Variants in RBM47 observed in about 807,000 individuals in gnomAD.
RBM47 encodes the protein RNA binding motif protein 47, also known as RNA-binding protein 47.
A neutral mutation model predicts 47.1 loss-of-function variants in RBM47; 21 were observed. The observed-to-expected ratio is 0.45, with a 90% confidence interval of 0.32 to 0.64. The LOEUF is 0.64. Among genes scored for constraint, RBM47 ranks in the 30% least tolerant of loss-of-function variants. The pLI is 0.05. For missense variants in RBM47, 708 were observed against 870.9 expected, an observed-to-expected ratio of 0.81 and a Z score of 2.35; for synonymous variants, 375 against 361.7, an observed-to-expected ratio of 1.04 and a Z score of -0.42.
intron 6 of RBM47, among the ~76,000 whole-genome samples, chr4:40,427,865 T>C (rs1332128630): frequency 1.3e-5 from 2 of 151,610 alleles, no homozygotes; most frequent in African/African-American, 4.8e-5. Flanking sequence ...ATAATAATTT[T>C]AATTTATAAT....
chr4:40,627,616 C>T (rs554279893), intron 1 of RBM47, among the ~76,000 whole-genome samples: 14 of 152,318 alleles, frequency 9.2e-5, no homozygotes, highest in African/African-American at 3.4e-4. Flanking sequence ...ATAATTTCAT[C>T]TTAACCCAAT....
chr4:40,438,885 T>C lies in RBM47; in HGVS notation c.9A>G (p.Ala3=), dbSNP rs770964766. The change falls in exon 4 of 7, where the codon GCA becomes GCG. Residue 3 remains alanine, a synonymous_variant. Coordinates refer to ENST00000295971, the MANE Select transcript of RBM47 (RefSeq NM_001098634.2). MT[A]EDSTAAMSSD... ...TGCTCATGGCTGCGGTGGAATCCTC[T>C]GCGGTCATAATGTCAAAGGCATCCA... 2.5e-5 allele frequency: 39 copies of C among 1,550,846 alleles called. No individual in the cohort carries two copies. In the Middle Eastern group the frequency reaches 8.0e-4, roughly 32 times the overall value.
intron 3 of RBM47, among the ~76,000 whole-genome samples, chr4:40,441,468 A>T (rs1577638592): frequency 6.6e-6 from 1 of 152,068 alleles, no homozygotes; most frequent in Non-Finnish European, 1.5e-5. Context: ...CTTCTTCCAA[A>T]TGGAAGATAA....
chr4:40,629,985 G>A (rs1301094624), upstream of RBM47: 1 of 152,102 alleles, frequency 6.6e-6, no homozygotes, highest in Admixed American at 6.5e-5. Context: ...CACCAAACCA[G>A]ATTTTTACTC....
intron 1 of RBM47, among the ~76,000 whole-genome samples, chr4:40,581,446 A>AAAT (rs1030774495): frequency 3.4e-5 from 5 of 148,558 alleles, no homozygotes; most frequent in Admixed American, 1.3e-4. Flanking sequence ...ATAAATAAAT[A>AAAT]AATAAATAAA....
chr4:40,561,227 C>CTTTTT (rs1176318537), intron 1 of RBM47, among the ~76,000 whole-genome samples: 17 of 113,612 alleles, frequency 1.5e-4, no homozygotes, highest in African/African-American at 3.7e-4. Flanking sequence ...TTTCCATTGT[C>CTTTTT]TTTTTTTTTT....
In RBM47 at chr4:40,587,295, A is replaced by T. The variant is rs77974198; in HGVS notation, c.-240+42101T>A. Among the ~76,000 whole-genome samples the T allele has an allele frequency of 1.8e-3, 268 of 152,062 alleles. 2 individuals carry two copies. Among genetic ancestry groups the T allele is most frequent in the African/African-American group, 6.1e-3 (255 of 41,474 alleles). ...GAAATCCTCACTGCTGACTCAGGAG[A>T]GCATATTAAGGGGCCACAGGTAGTG... On this transcript the variant is annotated intron_variant, in intron 1 of 6. Coordinates refer to ENST00000295971, the MANE Select transcript of RBM47 (RefSeq NM_001098634.2).
At chr4:40,594,950 T>C (rs1203100855) in intron 1 of RBM47, among the ~76,000 whole-genome samples, 1 of 152,222 alleles carries the variant, frequency 6.6e-6, no homozygotes, top group African/African-American at 2.4e-5. Context: ...TTGTATTCTA[T>C]CTTTTTTGGC....
intron 1 of RBM47, among the ~76,000 whole-genome samples, chr4:40,617,451 C>T (rs755605876): frequency 6.6e-6 from 1 of 151,718 alleles, no homozygotes; most frequent in African/African-American, 2.4e-5. Flanking sequence ...CTCAGCTACT[C>T]GGGAGGCTGA....
At position 40,573,746 on chromosome 4, in the gene RBM47, CAAGAAAGAAAGAGAGAGAGAGAGAAAGA is replaced by C. The variant is rs1216771953; in HGVS notation, c.-239-29268_-239-29241del. On this transcript the variant is annotated intron_variant, in intron 1 of 6. Coordinates refer to ENST00000295971, the MANE Select transcript of RBM47 (RefSeq NM_001098634.2). ...AAGGCTCTGTCTAAAAAAAGAAAAG[CAAGAAAGAAAGAGAGAGAGAGAGAAAGA>C]AAGAAAGAAAGAGAGAGAGAGAGAA... 2.6e-4 allele frequency among the ~76,000 whole-genome samples: 16 copies of C among 61,758 alleles called. 1 individual carries two copies. In the East Asian group the frequency reaches 6.6e-3, roughly 25 times the overall value. 40.5% of individuals were successfully genotyped at this position (61,758 alleles called of 152,430 possible).
intron 1 of RBM47, among the ~76,000 whole-genome samples, chr4:40,617,026 C>A (rs917009099): frequency 1.3e-5 from 2 of 151,728 alleles, no homozygotes; most frequent in African/African-American, 4.8e-5. Context: ...CAGGCGCCCG[C>A]CACTGCGGCC....
chr4:40,503,774 C>CACAG (rs1723718986), intron 2 of RBM47, among the ~76,000 whole-genome samples: 1 of 151,992 alleles, frequency 6.6e-6, no homozygotes, highest in Non-Finnish European at 1.5e-5. Context: ...CATATACACA[C>CACAG]ACAGATACAT....
chr4:40,562,486 A>T (rs866699480), intron 1 of RBM47, among the ~76,000 whole-genome samples: 3 of 131,582 alleles, frequency 2.3e-5, no homozygotes, highest in African/African-American at 5.9e-5. Context: ...TTTTTTTGAG[A>T]CAGTCTCACT....
At chr4:40,480,125 C>T (rs147241074) in intron 2 of RBM47, among the ~76,000 whole-genome samples, 1,601 of 151,664 alleles carry the variant, frequency 0.011, 26 homozygotes, top group African/African-American at 0.033. Context: ...TTACAGGTGT[C>T]CGCCACCATG....
intron 1 of RBM47, among the ~76,000 whole-genome samples, chr4:40,553,416 G>T (rs1208039177): frequency 1.3e-5 from 2 of 152,012 alleles, no homozygotes; most frequent in African/African-American, 4.8e-5. Context: ...TCCTGCCTCA[G>T]CCTCCCAAGT....
intron 2 of RBM47, among the ~76,000 whole-genome samples, chr4:40,477,000 G>A (rs1719706933): frequency 6.6e-6 from 1 of 152,186 alleles, no homozygotes; most frequent in Middle Eastern, 3.4e-3. Flanking sequence ...TTTGGGAGGC[G>A]GAGGCGGGTG....
chr4:40,561,088 C>T (rs946089984), intron 1 of RBM47, among the ~76,000 whole-genome samples: 1 of 152,058 alleles, frequency 6.6e-6, no homozygotes, highest in Non-Finnish European at 1.5e-5. Flanking sequence ...TACCTCCCAA[C>T]AATCAAGCCT....
At chr4:40,484,781 A>AC (rs1553888175) in intron 2 of RBM47, among the ~76,000 whole-genome samples, 6 of 151,946 alleles carry the variant, frequency 3.9e-5, no homozygotes, top group African/African-American at 1.5e-4. Context: ...CTCCAAAAGG[A>AC]TTTTTTTTAT....
At chr4:40,486,651 A>G (rs1721124685) in intron 2 of RBM47, among the ~76,000 whole-genome samples, 1 of 152,150 alleles carries the variant, frequency 6.6e-6, no homozygotes, top group Non-Finnish European at 1.5e-5. Context: ...TGGAAGTTGT[A>G]AAATCTTACC....
Sources: allele counts gnomAD v4.1 joint callset (sites outside exome capture counted in the v4.1 genomes callset), GRCh38; gene constraint gnomAD v4.1.1; transcripts MANE v1.5; gene names NCBI Gene and HGNC (gene_info 2026-07-23, HGNC 2026-07-21).